The following GRID1 variants were observed in gnomAD, a reference collection of about 807,000 sequenced individuals.
GRID1 encodes the protein glutamate receptor ionotropic, delta-1.
In GRID1, 28 loss-of-function variants were observed where a neutral mutation model predicts 98.0. The ratio of observed to expected loss-of-function variants is 0.29; its 90% CI spans 0.21 to 0.39. The LOEUF (loss-of-function observed/expected upper bound fraction) is 0.39, where lower values mean the gene tolerates loss of function less well. GRID1 is among the 10% of genes least tolerant of loss of function. The pLI, the probability that GRID1 is intolerant of heterozygous loss-of-function variation, is 1.00. For synonymous variants in GRID1, 553 were observed against 538.5 expected, an observed-to-expected ratio of 1.03 and a Z score of -0.37; for missense variants, 1,111 against 1,340.5, an observed-to-expected ratio of 0.83 and a Z score of 2.67.
intron 15 of GRID1, 66 bp from the exon 16 acceptor site, chr10:85,602,767 C>T: frequency 8.3e-7 from 1 of 1,202,314 alleles, no homozygotes; most frequent in Non-Finnish European, 1.2e-6. Context: ...CTTGCTACAG[C>T]TCTGGATGTC....
intron 9 of GRID1, 76 bp downstream of exon 9, chr10:85,729,437 C>G (rs1841798238): frequency 2.5e-6 from 2 of 800,756 alleles, no homozygotes; most frequent in Admixed American, 2.0e-5. Flanking sequence ...CCAAACCCAG[C>G]ATTAAACAGA....
chr10:85,666,980 C>G (rs1379098938), intron 12 of GRID1, among the ~76,000 whole-genome samples: 1 of 152,196 alleles, frequency 6.6e-6, no homozygotes, highest in Non-Finnish European at 1.5e-5. Flanking sequence ...CCCTACTCCT[C>G]CAACATCAGT....
At chr10:86,019,273 C>A (rs1843018550) in intron 4 of GRID1, among the ~76,000 whole-genome samples, 1 of 152,254 alleles carries the variant, frequency 6.6e-6, no homozygotes, top group Non-Finnish European at 1.5e-5. Context: ...CTTGTCCTCA[C>A]ACAGCTGCCC....
In GRID1 at chr10:85,599,713, T is replaced by C. The variant is rs1346477324; in HGVS notation, c.*2560A>G. ...TCTGAGCTGACACAGAAATCTGAGT[T>C]GGGAAGTTTTTTTTTTTCCTAGAGA... is the stretch of plus-strand genomic sequence containing the variant. On this transcript the variant is annotated 3_prime_UTR_variant, in exon 16 of 16. Coordinates refer to ENST00000327946, the MANE Select transcript of GRID1 (RefSeq NM_017551.3). 6.8e-6 allele frequency: 1 copy of C among 146,772 alleles called. No individual in the cohort carries two copies. Among genetic ancestry groups the C allele is most frequent in the Non-Finnish European group, 1.5e-5 (1 of 67,062 alleles). The allele number at this position is 146,772 out of a possible 1,614,324, so 9.1% of individuals were successfully genotyped here. A position where few individuals can be genotyped will look rare whatever the true frequency, so the allele number is the denominator to read the frequency against.
intron 4 of GRID1, among the ~76,000 whole-genome samples, chr10:86,021,404 T>A (rs903774275): frequency 6.6e-6 from 1 of 152,168 alleles, no homozygotes; most frequent in Non-Finnish European, 1.5e-5. Context: ...ACAGATTTCT[T>A]TCCCCCAGAA....
intron 3 of GRID1, among the ~76,000 whole-genome samples, chr10:86,174,147 G>A (rs980461677): frequency 2.0e-5 from 3 of 152,052 alleles, no homozygotes; most frequent in Non-Finnish European, 4.4e-5. Flanking sequence ...CTGAGGAATC[G>A]CCACATTGAC....
chr10:86,313,633 G>A (rs889218721), intron 2 of GRID1, among the ~76,000 whole-genome samples: 1 of 152,118 alleles, frequency 6.6e-6, no homozygotes, highest in Admixed American at 6.5e-5. Flanking sequence ...ATATAATGAC[G>A]TCCGGGAACT....
intron 4 of GRID1, among the ~76,000 whole-genome samples, chr10:85,917,738 G>A (rs894682880): frequency 1.3e-5 from 2 of 152,264 alleles, no homozygotes; most frequent in South Asian, 4.1e-4. Context: ...AAAGAAAAGA[G>A]GCTGCAAGGG....
At chr10:85,761,224 C>A (rs1331969694) in intron 8 of GRID1, among the ~76,000 whole-genome samples, 1 of 152,204 alleles carries the variant, frequency 6.6e-6, no homozygotes, top group Non-Finnish European at 1.5e-5. Context: ...AAGAAGCTAA[C>A]CAGTTAGCTC....
At chr10:86,019,438 G>A (rs1843021175) in intron 4 of GRID1, among the ~76,000 whole-genome samples, 1 of 152,214 alleles carries the variant, frequency 6.6e-6, no homozygotes, top group Non-Finnish European at 1.5e-5. Flanking sequence ...CTGGGGACTG[G>A]AGGGCTTCGG....
chr10:86,350,528 A>G (rs1440771665), intron 2 of GRID1, among the ~76,000 whole-genome samples: 2 of 152,258 alleles, frequency 1.3e-5, no homozygotes, highest in Middle Eastern at 3.4e-3. Flanking sequence ...AGTCCTTCAC[A>G]TTCCCTAAGC....
rs959542629 is a variant in GRID1, at chr10:86,290,026, G to A, written c.235+73915C>T. ...GAAAGAGAAAGCAAGAGCAGAAGGC[G>A]TAACCGCTAGATCCAGCCATGCCTG... is the stretch of plus-strand genomic sequence containing the variant. On this transcript the variant is annotated intron_variant, in intron 2 of 15. Coordinates refer to ENST00000327946, the MANE Select transcript of GRID1 (RefSeq NM_017551.3). Among the ~76,000 whole-genome samples the A allele has an allele frequency of 6.6e-5, 10 of 152,208 alleles. No individual in the cohort carries two copies. The South Asian group carries it at 8.3e-4, about 13-fold the overall frequency.
At chr10:85,986,909 T>C (rs1421698939) in intron 4 of GRID1, among the ~76,000 whole-genome samples, 2 of 152,124 alleles carry the variant, frequency 1.3e-5, no homozygotes, top group African/African-American at 4.8e-5. Context: ...GATGGCCCCA[T>C]TCAGCACTCT....
rs186741340 is a variant in GRID1, at chr10:85,673,610, C to T, written c.1998-26213G>A. Among the ~76,000 whole-genome samples the T allele has an allele frequency of 9.2e-5, 14 of 152,300 alleles. No individual in the cohort carries two copies. The East Asian group carries it at 2.7e-3, about 29-fold the overall frequency. On this transcript the variant is annotated intron_variant, in intron 12 of 15. Coordinates refer to ENST00000327946, the MANE Select transcript of GRID1 (RefSeq NM_017551.3). ...AAAAGATTACAACTCACTGAAGGCT[C>T]AGGTGGGGGTTAGTACTTTTGAGCA...
chr10:85,651,348 A>G (rs1032312935), intron 12 of GRID1, among the ~76,000 whole-genome samples: 26 of 152,330 alleles, frequency 1.7e-4, no homozygotes, highest in African/African-American at 5.5e-4. Context: ...CCCAGATGGA[A>G]GCAAGCATGG....
intron 4 of GRID1, among the ~76,000 whole-genome samples, chr10:85,932,332 C>G (rs547778787): frequency 4.6e-5 from 7 of 152,338 alleles, no homozygotes; most frequent in African/African-American, 1.7e-4. Context: ...CCACCTCAGT[C>G]TCCTGAGTAG....
intron 8 of GRID1, among the ~76,000 whole-genome samples, chr10:85,762,007 A>G (rs1364258329): frequency 6.6e-6 from 1 of 152,198 alleles, no homozygotes; most frequent in African/African-American, 2.4e-5. Context: ...AAACATTGAA[A>G]AGCCTTCCCA....
chr10:85,837,950 C>T (rs11201814), intron 8 of GRID1, among the ~76,000 whole-genome samples: 10,434 of 152,110 alleles, frequency 0.069, 390 homozygotes, highest in Non-Finnish European at 0.082. Flanking sequence ...GACAAAATAA[C>T]CAGTTTACAG....
At chr10:86,203,049 T>C (rs1845975957) in intron 3 of GRID1, among the ~76,000 whole-genome samples, 1 of 152,196 alleles carries the variant, frequency 6.6e-6, no homozygotes, top group African/African-American at 2.4e-5. Flanking sequence ...CTGAGCCTCA[T>C]TTTCCTCATC....
Sources: allele counts gnomAD v4.1 joint callset (sites outside exome capture counted in the v4.1 genomes callset), GRCh38; gene constraint gnomAD v4.1.1; transcripts MANE v1.5; gene names NCBI Gene and HGNC (gene_info 2026-07-23, HGNC 2026-07-21).